The following COX7A2L variants were observed in gnomAD, a reference collection of about 807,000 sequenced individuals.
COX7A2L encodes cytochrome c oxidase subunit 7A2 like.
A neutral mutation model predicts 14.2 loss-of-function variants in COX7A2L; 18 were observed. The observed-to-expected ratio is 1.27, with a 90% CI of 0.88 to 1.88. The LOEUF is 1.88. COX7A2L is among the 40% of genes most tolerant of loss of function. COX7A2L has a pLI of 0.00. For missense variants in COX7A2L, 179 were observed against 138.8 expected (o/e 1.29, Z -1.46); for synonymous variants, 65 against 57.4 (o/e 1.13, Z -0.60).
chr2:42,353,070 G>T, intron 2 of COX7A2L, 142 bp downstream of exon 2: 3 of 1,035,818 alleles, frequency 2.9e-6, no homozygotes, highest in East Asian at 2.6e-5. Flanking sequence ...TTCGTTTATG[G>T]CTCAAACTAA....
At position 42,361,097 on chromosome 2, in the gene COX7A2L, C is replaced by T; in HGVS notation, c.65G>A (p.Ser22Asn). 2 of 1,613,712 alleles carry T rather than the reference C, an allele frequency of 1.2e-6. No homozygotes were observed. The highest frequency in any genetic ancestry group is 1.7e-6 in the Non-Finnish European group (2 of 1,179,870). ...GCCAGGCGCCACTCGTACCTGCGGG[C>T]TATAGGCCTCCGAAGCCCATGCTCC... ...LAGAWASEAY[S>N]PQGLKPVVST... Residue 22 changes from serine to asparagine, a missense_variant, in exon 1 of 3, where the codon AGC (serine) becomes AAC (asparagine). Coordinates refer to ENST00000234301, the MANE Select transcript of COX7A2L (RefSeq NM_004718.4).
chr2:42,344,131 T>C (rs1670451356), intron 2 of COX7A2L, among the ~76,000 whole-genome samples: 1 of 152,166 alleles, frequency 6.6e-6, no homozygotes, highest in African/African-American at 2.4e-5. Context: ...ATACGTAAAA[T>C]TCTTCATTTT....
At chr2:42,336,410 C>CT (rs1399471082) in intron 2 of COX7A2L, among the ~76,000 whole-genome samples, 1 of 152,118 alleles carries the variant, frequency 6.6e-6, no homozygotes. Context: ...ACAGGGTGTC[C>CT]TTTCACCAGA....
At chr2:42,345,073 G>C (rs190575708), downstream of COX7A2L, among the ~76,000 whole-genome samples, 19 of 152,290 alleles carry the variant, frequency 1.2e-4, no homozygotes, top group African/African-American at 3.9e-4. Context: ...TATAAGTCAT[G>C]TGTGATCTAT....
intron 1 of COX7A2L, among the ~76,000 whole-genome samples, chr2:42,368,471 T>G (rs1329009766): frequency 6.6e-6 from 1 of 152,238 alleles, no homozygotes; most frequent in Non-Finnish European, 1.5e-5. Flanking sequence ...TCATAACAAC[T>G]GTTCCCTAAT....
At chr2:42,359,113 A>G (rs996481231) in intron 1 of COX7A2L, 5 of 152,224 alleles carry the variant, frequency 3.3e-5, no homozygotes, top group African/African-American at 1.2e-4. Flanking sequence ...AACCTCAAAA[A>G]TATTTTTTGA....
At chr2:42,337,164 T>A (rs1670294844) in intron 2 of COX7A2L, among the ~76,000 whole-genome samples, 1 of 152,236 alleles carries the variant, frequency 6.6e-6, no homozygotes, top group African/African-American at 2.4e-5. Context: ...ACCCATTGCT[T>A]AAATTCTAGA....
In COX7A2L at chr2:42,338,900, G is replaced by T. The variant is rs1670343470; in HGVS notation, c.193-5031C>A. 6.6e-6 allele frequency among the ~76,000 whole-genome samples: 1 copy of T among 152,178 alleles called. No individual in the cohort carries two copies. The highest frequency in any genetic ancestry group is 2.4e-5 in the African/African-American group (1 of 41,444). ...GCCTTGCCCACATCCAATCCAAAGG[G>T]GAGAGACATCCTGGCGAGCTCAGCA... On this transcript the variant is annotated intron_variant, in intron 2 of 2. Coordinates refer to the COX7A2L transcript ENST00000468711. This position sits in a 1 kb window ranked among gnomAD's most constrained non-coding sequence, Gnocchi z 4.4.
At position 42,350,055 on chromosome 2, in the gene COX7A2L, G is replaced by A. The variant is rs1010398713; in HGVS notation, c.*1164C>T. The A allele has an allele frequency of 1.4e-5, 2 of 139,768 alleles. No individual in the cohort carries two copies. Among genetic ancestry groups the A allele is most frequent in the Non-Finnish European group, 3.1e-5 (2 of 63,730 alleles). 8.7% of individuals were successfully genotyped at this position (139,768 alleles called of 1,614,324 possible). On this transcript the variant is annotated 3_prime_UTR_variant, in exon 3 of 3. Coordinates refer to ENST00000234301, the MANE Select transcript of COX7A2L (RefSeq NM_004718.4). ...AGGAAATACCAGAGAATAAAATTTA[G>A]ATTTGCAGAGAGAGAGAGAGAGAGA...
At chr2:42,360,630 G>A (rs930868010) in intron 1 of COX7A2L, among the ~76,000 whole-genome samples, 3 of 152,014 alleles carry the variant, frequency 2.0e-5, no homozygotes, top group African/African-American at 7.3e-5. Context: ...CCAACCCCCT[G>A]CACCATGGTT....
downstream of COX7A2L, among the ~76,000 whole-genome samples, chr2:42,345,510 T>TC (rs1558628307): frequency 6.6e-6 from 1 of 152,116 alleles, no homozygotes; most frequent in East Asian, 1.9e-4. Context: ...GACACACACT[T>TC]CCTCAATGTT....
chr2:42,367,699 C>T (rs1572807162), intron 1 of COX7A2L, among the ~76,000 whole-genome samples: 1 of 152,238 alleles, frequency 6.6e-6, no homozygotes, highest in South Asian at 2.1e-4. Context: ...CACTGACCAC[C>T]GATTGGCACT....
At chr2:42,357,750 A>G (rs1196776369) in intron 1 of COX7A2L, among the ~76,000 whole-genome samples, 1 of 152,124 alleles carries the variant, frequency 6.6e-6, no homozygotes, top group Admixed American at 6.6e-5. Flanking sequence ...CAATTCACCA[A>G]TCATGCTGAA....
chr2:42,339,266 T>C lies in COX7A2L; in HGVS notation c.193-5397A>G, dbSNP rs1172137335. Reference sequence around the variant, plus strand: ...ACTCAGGAAACCACAGACGCGGCCGTTGGCACCACCAGGAGCTGAGGGGTT... The same window carrying C: ...ACTCAGGAAACCACAGACGCGGCCGCTGGCACCACCAGGAGCTGAGGGGTT... On this transcript the variant is annotated intron_variant, in intron 2 of 2. Coordinates refer to the COX7A2L transcript ENST00000468711. This position sits in a 1 kb window ranked among gnomAD's most constrained non-coding sequence, Gnocchi z 5.4. Among the ~76,000 whole-genome samples the C allele has an allele frequency of 6.6e-6, 1 of 152,210 alleles. No individual in the cohort carries two copies. Among genetic ancestry groups the C allele is most frequent in the Non-Finnish European group, 1.5e-5 (1 of 68,028 alleles).
At chr2:42,368,465 A>G (rs1671209835) in intron 1 of COX7A2L, among the ~76,000 whole-genome samples, 1 of 152,258 alleles carries the variant, frequency 6.6e-6, no homozygotes, top group South Asian at 2.1e-4. Flanking sequence ...AAAAGCTCAT[A>G]ACAACTGTTC....
At chr2:42,359,386 T>C (rs1361087519) in intron 1 of COX7A2L, 1 of 152,214 alleles carries the variant, frequency 6.6e-6, no homozygotes, top group Admixed American at 6.5e-5. Flanking sequence ...ACATCTTGCA[T>C]ATTGAGGGAG....
In COX7A2L at chr2:42,339,633, C is replaced by A. The variant is rs1313066850; in HGVS notation, c.193-5764G>T. Among the ~76,000 whole-genome samples the A allele has an allele frequency of 6.6e-6, 1 of 152,104 alleles. No individual in the cohort carries two copies. Among genetic ancestry groups the A allele is most frequent in the Non-Finnish European group, 1.5e-5 (1 of 68,030 alleles). On this transcript the variant is annotated intron_variant, in intron 2 of 2. Transcript: ENST00000468711. This position sits in a 1 kb window ranked among gnomAD's most constrained non-coding sequence, Gnocchi z 5.4. ...CTTTCCTCCTTTCTTATTTTTAACA[C>A]TTTTTAAATTTATTACTTCCAATAA...
At position 42,350,356 on chromosome 2, in the gene COX7A2L, G is replaced by C. The variant is rs1042003996; in HGVS notation, c.*863C>G. On this transcript the variant is annotated 3_prime_UTR_variant, in exon 3 of 3. Transcript: ENST00000234301. ...GTGGTAATCATCAATATGCCATTAA[G>C]ACTCCTATTACTAGACTTTTAAGAA... is the stretch of plus-strand genomic sequence containing the variant. 3.3e-5 allele frequency: 5 copies of C among 152,110 alleles called. No individual in the cohort carries two copies. The highest frequency in any genetic ancestry group is 2.6e-4 in the Admixed American group (4 of 15,272). The allele number at this position is 152,110 out of a possible 1,614,324, so 9.4% of individuals were successfully genotyped here. A position where few individuals can be genotyped will look rare whatever the true frequency, so the allele number is the denominator to read the frequency against.
upstream of COX7A2L, chr2:42,365,727 G>C (rs1671151969): frequency 6.6e-6 from 1 of 152,076 alleles, no homozygotes; most frequent in South Asian, 2.1e-4. Flanking sequence ...CAAATTACCA[G>C]GTAATTTAGA....
Sources: gnomAD v4.1 joint callset for allele counts (sites outside exome capture counted in the v4.1 genomes callset) on GRCh38, gnomAD v4.1.1 for gene constraint, Gnocchi (gnomAD v3.1) non-coding constraint, MANE v1.5 for transcripts, NCBI Gene and HGNC (gene_info 2026-07-23, HGNC 2026-07-21) for gene names.